KMT2C: variants seen among roughly 807,000 people sequenced by gnomAD.
The protein encoded by KMT2C is lysine methyltransferase 2C, also known as histone-lysine N-methyltransferase 2C.
Under a neutral mutation model 507.9 loss-of-function variants are expected in KMT2C, and 88 were observed. The observed-to-expected ratio is 0.17, with a 90% CI of 0.15 to 0.21. The LOEUF is 0.21. Among genes scored for constraint, KMT2C ranks in the 10% least tolerant of loss-of-function variants. The pLI is 1.00. For synonymous variants in KMT2C, 2,049 were observed against 2,080.8 expected, an observed-to-expected ratio of 0.98 and a Z score of 0.42; for missense variants, 4,954 against 5,957.8, an observed-to-expected ratio of 0.83 and a Z score of 5.55.
At chr7:152,430,452 A>T (rs1261286475) in intron 1 of KMT2C, among the ~76,000 whole-genome samples, 3 of 152,340 alleles carry the variant, frequency 2.0e-5, no homozygotes, top group Admixed American at 2.0e-4. Flanking sequence ...TGGCCCAAAC[A>T]TCTCACAGAT....
At chr7:152,201,134 T>G (rs2094123952) in intron 26 of KMT2C, among the ~76,000 whole-genome samples, 1 of 152,174 alleles carries the variant, frequency 6.6e-6, no homozygotes, top group Non-Finnish European at 1.5e-5. Context: ...GACTCATGAC[T>G]TTACTGGTGT....
intron 3 of KMT2C, among the ~76,000 whole-genome samples, chr7:152,327,099 G>C (rs2096835886): frequency 6.6e-6 from 1 of 152,098 alleles, no homozygotes; most frequent in Non-Finnish European, 1.5e-5. Flanking sequence ...TATAGCCCAG[G>C]ATAAATAAAT....
Position 152,194,142 on chromosome 7 carries a change from CA to C in KMT2C, c.4541-15del, listed in dbSNP as rs750799750. 5 of 1,565,516 alleles carry C rather than the reference CA, an allele frequency of 3.2e-6. No individual in the cohort carries two copies. In the South Asian group the frequency reaches 6.1e-5, roughly 19 times the overall value. Reference sequence around the variant, plus strand: ...TTCCGCCAAGCTCTAGGAGATAAAACAATAATAGTAACAAGATTAAAAGACT... The same window carrying C: ...TTCCGCCAAGCTCTAGGAGATAAAACATAATAGTAACAAGATTAAAAGACT... On this transcript the variant is annotated splice_polypyrimidine_tract_variant and intron_variant, in intron 30 of 58. Transcript: ENST00000262189.
intron 1 of KMT2C, among the ~76,000 whole-genome samples, chr7:152,395,708 A>T (rs1183198730): frequency 6.6e-6 from 1 of 152,048 alleles, no homozygotes; most frequent in African/African-American, 2.4e-5. Flanking sequence ...GGGTTTCACC[A>T]TGTTGGCCAG....
At chr7:152,291,630 A>G (rs2096428974) in intron 6 of KMT2C, among the ~76,000 whole-genome samples, 1 of 152,274 alleles carries the variant, frequency 6.6e-6, no homozygotes, top group African/African-American at 2.4e-5. Flanking sequence ...CACATAGACT[A>G]TGCATAAACA....
intron 15 of KMT2C, 111 bp from the exon 16 acceptor site, chr7:152,236,044 T>C: frequency 1.6e-6 from 1 of 626,654 alleles, no homozygotes; most frequent in Non-Finnish European, 2.9e-6. Flanking sequence ...AACACTTCCT[T>C]AGATAAGTAT....
rs1233169473 is a variant in KMT2C, at chr7:152,241,041, A to G, written c.2533-2215T>C. Among the ~76,000 whole-genome samples, 12 of 152,304 alleles carry G rather than the reference A, an allele frequency of 7.9e-5. No homozygotes were observed. The East Asian group carries it at 2.1e-3, about 27-fold the overall frequency. On this transcript the variant is annotated intron_variant, in intron 14 of 58. Coordinates refer to ENST00000262189, the MANE Select transcript of KMT2C (RefSeq NM_170606.3). Reference sequence around the variant, plus strand: ...CAAACCTTTCCCAATGCCTTTCTCCAACTAACCTTGTGGCATTTGTCTCCC... The same window carrying G: ...CAAACCTTTCCCAATGCCTTTCTCCGACTAACCTTGTGGCATTTGTCTCCC...
intron 7 of KMT2C, among the ~76,000 whole-genome samples, chr7:152,269,209 C>T (rs1770946158): frequency 6.6e-6 from 1 of 152,216 alleles, no homozygotes; most frequent in Non-Finnish European, 1.5e-5. Context: ...CAATTCCTTA[C>T]TGATAACCTT....
chr7:152,251,788 T>C, intron 11 of KMT2C, 151 bp downstream of exon 11: 1 of 478,170 alleles, frequency 2.1e-6, no homozygotes, highest in South Asian at 6.0e-5. Context: ...ATGACCAAGA[T>C]AACAAATACA....
At chr7:152,361,485 C>T (rs1238976984) in intron 1 of KMT2C, among the ~76,000 whole-genome samples, 1 of 152,048 alleles carries the variant, frequency 6.6e-6, no homozygotes, top group African/African-American at 2.4e-5. Context: ...ATGGCGTGAA[C>T]CCGGGAGGCA....
chr7:152,424,660 G>C (rs1305626111), intron 1 of KMT2C, among the ~76,000 whole-genome samples: 1 of 152,138 alleles, frequency 6.6e-6, no homozygotes, highest in Non-Finnish European at 1.5e-5. Flanking sequence ...CTGGGCTCAA[G>C]TGTTCCACAT....
Position 152,180,758 on chromosome 7 carries a change from G to C in KMT2C, c.7102C>G (p.Gln2368Glu), listed in dbSNP as rs1329642307. ...PVPTSGVTDTQNTVNMAQADT... is the reference protein window; with the variant it reads ...PVPTSGVTDTENTVNMAQADT... ...GCTTGGGCCATATTTACAGTATTCT[G>C]TGTATCAGTTACTCCTGAAGTTGGC... is the stretch of plus-strand genomic sequence containing the variant. Residue 2368 changes from glutamine (Q) to glutamate (E), a missense_variant, in exon 36 of 59, where the codon CAG becomes GAG. Gln to Glu is a conservative substitution (Grantham distance 29, BLOSUM62 2). Transcript: ENST00000262189. 1 of 1,614,082 alleles carries C rather than the reference G, an allele frequency of 6.2e-7. No homozygotes were observed. Among genetic ancestry groups the C allele is most frequent in the Admixed American group, 1.7e-5 (1 of 60,018 alleles).
At chr7:152,400,665 G>A (rs1253077372) in intron 1 of KMT2C, among the ~76,000 whole-genome samples, 1 of 152,198 alleles carries the variant, frequency 6.6e-6, no homozygotes, top group Non-Finnish European at 1.5e-5. Context: ...GACTTTTACA[G>A]ATAAGCAAGG....
chr7:152,387,529 G>A (rs1330952887), intron 1 of KMT2C, among the ~76,000 whole-genome samples: 1 of 146,166 alleles, frequency 6.8e-6, no homozygotes, highest in Non-Finnish European at 1.5e-5. Flanking sequence ...GGAGTGCAGT[G>A]GTGCCATCTC....
At chr7:152,226,709 T>C (rs921715174) in intron 18 of KMT2C, among the ~76,000 whole-genome samples, 1 of 152,152 alleles carries the variant, frequency 6.6e-6, no homozygotes, top group Non-Finnish European at 1.5e-5. Flanking sequence ...AGCAAACATT[T>C]CCAATAAAGG....
intron 2 of KMT2C, among the ~76,000 whole-genome samples, chr7:152,337,949 C>A (rs947123339): frequency 6.6e-6 from 1 of 152,016 alleles, no homozygotes; most frequent in African/African-American, 2.4e-5. Flanking sequence ...CTCTGCCTCC[C>A]AGGTTCACGC....
intron 44 of KMT2C, 73 bp downstream of exon 44, chr7:152,158,790 C>T: frequency 5.1e-6 from 7 of 1,372,102 alleles, no homozygotes; most frequent in Admixed American, 1.7e-5. Context: ...GCTGGGATTA[C>T]AGGCATGAGC....
At chr7:152,201,535 T>C (rs1471464718) in intron 26 of KMT2C, among the ~76,000 whole-genome samples, 1 of 143,040 alleles carries the variant, frequency 7.0e-6, no homozygotes, top group Non-Finnish European at 1.5e-5. Context: ...GGAGGAAAAG[T>C]AGGTTGCCAT....
At chr7:152,167,713 T>C (rs1458011199) in intron 41 of KMT2C, among the ~76,000 whole-genome samples, 1 of 152,178 alleles carries the variant, frequency 6.6e-6, no homozygotes, top group Non-Finnish European at 1.5e-5. Context: ...AACTACATAC[T>C]AAGGTATACA....
Sources: allele counts gnomAD v4.1 joint callset (sites outside exome capture counted in the v4.1 genomes callset), GRCh38; gene constraint gnomAD v4.1.1; transcripts MANE v1.5; gene names NCBI Gene and HGNC (gene_info 2026-07-23, HGNC 2026-07-21).